FEZF1: variants seen among roughly 807,000 people sequenced by gnomAD.
The protein encoded by FEZF1 is fez family zinc finger protein 1.
Under a neutral mutation model 32.4 loss-of-function variants are expected in FEZF1, and 8 were observed. The observed-to-expected ratio is 0.25, with a 90% CI of 0.15 to 0.45. The LOEUF (loss-of-function observed/expected upper bound fraction) is 0.45, where lower values mean the gene tolerates loss of function less well. FEZF1 is among the 20% of genes least tolerant of loss of function. The probability of loss-of-function intolerance (pLI) is 1.00; values close to 1 mark genes in which losing one functional copy is unlikely to be tolerated. For synonymous variants in FEZF1, 259 were observed against 265.2 expected (o/e 0.98, Z 0.23); for missense variants, 546 against 622.3 (o/e 0.88, Z 1.31).
upstream of FEZF1, among the ~76,000 whole-genome samples, chr7:122,307,954 T>A (rs554092035): frequency 6.6e-6 from 1 of 152,260 alleles, no homozygotes; most frequent in African/African-American, 2.4e-5. Context: ...CCAATCTGTC[T>A]AGTACTTTAT....
rs1206551464 is a variant in FEZF1 at position 122,303,508 on chromosome 7, A to AGGAG, written c.801+128_801+129insCTCC. 163 of 366,774 alleles carry AGGAG rather than the reference A, an allele frequency of 4.4e-4. 1 individual carries two copies. Among genetic ancestry groups the AGGAG allele is most frequent in the South Asian group, 7.2e-4 (23 of 32,066 alleles). The allele number at this position is 366,774 out of a possible 1,614,324, so 22.7% of individuals were successfully genotyped here. The stretch of plus-strand genomic sequence containing the variant: ...AAGGAAGGAAGGAAGGAAGGAAGGA[A>AGGAG]GGAAGGAAGGAAGGAAGGAAGGAAG... On this transcript the variant is annotated intron_variant, in intron 1 of 3. Transcript: ENST00000442488.
At position 122,302,693 on chromosome 7, in the gene FEZF1, G is replaced by A; in HGVS notation, c.1069+106C>T. On this transcript the variant is annotated intron_variant, in intron 3 of 3. Coordinates refer to ENST00000442488, the MANE Select transcript of FEZF1 (RefSeq NM_001024613.4). The surrounding 1 kb of genome is among the most constrained non-coding windows in gnomAD (Gnocchi z 4.4). The stretch of plus-strand genomic sequence containing the variant: ...GTAGGGAGTTAGAATGGCAACAAAA[G>A]TGCCACATAACTACACTTTAAACAT... 1 of 1,243,224 alleles carries A rather than the reference G, an allele frequency of 8.0e-7. No homozygotes were observed. Among genetic ancestry groups the A allele is most frequent in the Non-Finnish European group, 1.2e-6 (1 of 863,362 alleles). The allele number at this position is 1,243,224 out of a possible 1,614,324, so 77.0% of individuals were successfully genotyped here.
Position 122,301,739 on chromosome 7 carries a change from AAAAG to A in FEZF1, c.*254_*257del. On this transcript the variant is annotated 3_prime_UTR_variant, in exon 4 of 4. Transcript: ENST00000442488. ...AGTCTTTCCAAATTAAAAAAAAAGAAAAAGAAAAACAGAAAACAAGCAAAACCCT... is the reference window on the plus strand; with the variant it reads ...AGTCTTTCCAAATTAAAAAAAAAGAAAAAAACAGAAAACAAGCAAAACCCT... 3 of 412,368 alleles carry A rather than the reference AAAAG, an allele frequency of 7.3e-6. No homozygotes were observed. The highest frequency in any genetic ancestry group is 1.3e-5 in the Non-Finnish European group (3 of 237,896). The allele number at this position is 412,368 out of a possible 1,614,324, so 25.5% of individuals were successfully genotyped here.
intron 1 of FEZF1, 115 bp from the exon 2 acceptor site, chr7:122,303,426 AC>A (rs1410585149): frequency 6.2e-6 from 8 of 1,296,664 alleles, no homozygotes; most frequent in Middle Eastern, 2.7e-4. Flanking sequence ...GCAAATAATT[AC>A]CCCCAAAATA....
chr7:122,304,810 CA>C (rs141664645), upstream of FEZF1: 3,866 of 179,234 alleles, frequency 0.022, 84 homozygotes, highest in African/African-American at 0.061. Context: ...TTTTCATCTG[CA>C]GTCAGTAACT....
In FEZF1 at chr7:122,302,279, G is replaced by C; in HGVS notation, c.1146C>G (p.His382Gln). 1.9e-6 allele frequency: 3 copies of C among 1,614,204 alleles called. No individual in the cohort carries two copies. The highest frequency in any genetic ancestry group is 2.5e-6 in the Non-Finnish European group (3 of 1,180,030). ...TGTGGAAGGTGAGGTTGTAAACCTGGTGGAAAGCCTTGTTGCAGATATTGC... is the reference window on the plus strand; with the variant it reads ...TGTGGAAGGTGAGGTTGTAAACCTGCTGGAAAGCCTTGTTGCAGATATTGC... Reference protein sequence around the residue: ...FKCNICNKAFHQVYNLTFHMH... With the variant: ...FKCNICNKAFQQVYNLTFHMH... Residue 382 changes from histidine (H) to glutamine (Q), a missense_variant, in exon 4 of 4, where the codon CAC (histidine) becomes CAG (glutamine). By Grantham distance (24) the His-to-Gln change is conservative. This residue lies in a region of FEZF1 where 118 missense variants were observed against 188.7 expected (regional missense o/e 0.63). Transcript: ENST00000442488. This position sits in a 1 kb window ranked among gnomAD's most constrained non-coding sequence, Gnocchi z 4.4.
chr7:122,302,831 C>A lies in FEZF1; in HGVS notation c.1037G>T (p.Cys346Phe). 6.2e-7 allele frequency: 1 copy of A among 1,614,074 alleles called. No individual in the cohort carries two copies. Residue 346 changes from cysteine to phenylalanine, a missense_variant, in exon 3 of 4, where the codon TGT (cysteine) becomes TTT (phenylalanine). Coordinates refer to ENST00000442488, the MANE Select transcript of FEZF1 (RefSeq NM_001024613.4). The surrounding 1 kb of genome is among the most constrained non-coding windows in gnomAD (Gnocchi z 4.4). ...RIHAGYKPFV[C>F]EFCGKGFHQK... ...ATGAAACCCTTTGCCACAGAATTCA[C>A]ACACAAACGGTTTGTAGCCCGCGTG...
chr7:122,310,052 T>C (rs1211612102), intron 1 of FEZF1: 2 of 152,104 alleles, frequency 1.3e-5, no homozygotes, highest in Non-Finnish European at 2.9e-5. Flanking sequence ...AGTGATCCCA[T>C]GAAATAAAAG....
At chr7:122,308,815 G>T (rs2031351701), upstream of FEZF1, among the ~76,000 whole-genome samples, 1 of 152,064 alleles carries the variant, frequency 6.6e-6, no homozygotes, top group African/African-American at 2.4e-5. Context: ...TTTAGCTTGT[G>T]AGCTAAGGGA....
At chr7:122,303,540 GGGAGGGAA>G (rs1563042232) in intron 1 of FEZF1, 89 bp downstream of exon 1, 11 of 308,610 alleles carry the variant, frequency 3.6e-5, no homozygotes, top group Admixed American at 2.2e-4. Context: ...GAAGGAAGGA[GGGAGGGAA>G]GGAAGGAGGG....
intron 1 of FEZF1, 113 bp downstream of exon 1, chr7:122,303,513 GGAAGGAAGGAA>G (rs2031126304): frequency 5.5e-6 from 3 of 549,310 alleles, no homozygotes; most frequent in Non-Finnish European, 9.3e-6. Context: ...AAGGAAGGAA[GGAAGGAAGGAA>G]GGAAGGAAGG....
upstream of FEZF1, chr7:122,308,517 A>G (rs1234186163): frequency 6.6e-6 from 1 of 152,154 alleles, no homozygotes; most frequent in African/African-American, 2.4e-5. Flanking sequence ...TCATAAGCAA[A>G]TGCAGTTTCT....
In FEZF1 at chr7:122,302,684, G is replaced by T. The variant is rs868304840; in HGVS notation, c.1069+115C>A. The stretch of plus-strand genomic sequence containing the variant: ...AGACTTCGAGTAGGGAGTTAGAATG[G>T]CAACAAAAGTGCCACATAACTACAC... On this transcript the variant is annotated intron_variant, in intron 3 of 3. Transcript: ENST00000442488. The surrounding 1 kb of genome is among the most constrained non-coding windows in gnomAD (Gnocchi z 4.4). The T allele has an allele frequency of 1.7e-6, 2 of 1,157,408 alleles. No homozygotes were observed. Among genetic ancestry groups the T allele is most frequent in the Non-Finnish European group, 2.5e-6 (2 of 789,262 alleles). 71.7% of individuals were successfully genotyped at this position (1,157,408 alleles called of 1,614,324 possible). A position where few individuals can be genotyped will look rare whatever the true frequency, so the allele number is the denominator to read the frequency against.
intron 1 of FEZF1, 105 bp downstream of exon 1, chr7:122,303,530 GAA>G (rs1563042153): frequency 2.7e-6 from 1 of 371,618 alleles, no homozygotes; most frequent in Non-Finnish European, 4.9e-6. Flanking sequence ...AGGAAGGAAG[GAA>G]GGAAGGAGGG....
upstream of FEZF1, chr7:122,308,338 CTG>C (rs1353814091): frequency 6.6e-6 from 1 of 152,100 alleles, no homozygotes; most frequent in African/African-American, 2.4e-5. Flanking sequence ...ATAACAAACT[CTG>C]TGTTAAGATC....
Position 122,301,852 on chromosome 7 carries a change from A to G in FEZF1, c.*145T>C. The G allele has an allele frequency of 8.9e-7, 1 of 1,126,770 alleles. No individual in the cohort carries two copies. The highest frequency in any genetic ancestry group is 1.7e-5 in the South Asian group (1 of 59,960). 69.8% of individuals were successfully genotyped at this position (1,126,770 alleles called of 1,614,324 possible). A position where few individuals can be genotyped will look rare whatever the true frequency, so the allele number is the denominator to read the frequency against. ...AGGTGCATGCAAGAGGCGAAAGGCC[A>G]GGGGATGCAGAGGCTTCTGGTCGGC... On this transcript the variant is annotated 3_prime_UTR_variant, in exon 4 of 4. Coordinates refer to ENST00000442488, the MANE Select transcript of FEZF1 (RefSeq NM_001024613.4).
rs2031170848 is a variant in FEZF1, at chr7:122,303,947, T to G, written c.491A>C (p.Asn164Thr). ...FHAMGALCYL[N>T]RGDGPCHPAA... ...CGGGTGGCATGGGCCGTCACCTCGG[T>G]TCAGGTAGCACAAGGCGCCCATGGC... is the stretch of plus-strand genomic sequence containing the variant. Residue 164 changes from asparagine (N) to threonine (T), a missense_variant, in exon 1 of 4, where the codon AAC becomes ACC. Coordinates refer to ENST00000442488, the MANE Select transcript of FEZF1 (RefSeq NM_001024613.4). 2 of 1,605,238 alleles carry G rather than the reference T, an allele frequency of 1.2e-6. No individual in the cohort carries two copies. Among genetic ancestry groups the G allele is most frequent in the Non-Finnish European group, 1.7e-6 (2 of 1,175,686 alleles).
upstream of FEZF1, among the ~76,000 whole-genome samples, chr7:122,307,993 AG>A (rs1338413281): frequency 6.6e-6 from 1 of 152,156 alleles, no homozygotes; most frequent in African/African-American, 2.4e-5. Flanking sequence ...ATAACAAAAA[AG>A]GCAATAAAAA....
Position 122,304,003 on chromosome 7 carries a change from C to T in FEZF1, c.435G>A (p.Arg145=), listed in dbSNP as rs1456556147. The T allele has an allele frequency of 6.4e-7, 1 of 1,571,228 alleles. No individual in the cohort carries two copies. The highest frequency in any genetic ancestry group is 8.6e-7 in the Non-Finnish European group (1 of 1,158,748). ...ALPLQQYKLV[R]PRVVNHSSFH... ...ATGAAGAGTGGTTGACCACACGCGG[C>T]CTTACCAGCTTGTACTGCTGCAGCG... The change falls in exon 1 of 4, where the codon AGG becomes AGA. Residue 145 remains arginine, a synonymous_variant. Coordinates refer to ENST00000442488, the MANE Select transcript of FEZF1 (RefSeq NM_001024613.4).
Sources: gnomAD v4.1 joint callset for allele counts (sites outside exome capture counted in the v4.1 genomes callset) on GRCh38, gnomAD v4.1.1 for gene constraint, gnomAD v4.1.1 regional missense constraint, Gnocchi (gnomAD v3.1) non-coding constraint, MANE v1.5 for transcripts, NCBI Gene and HGNC (gene_info 2026-07-23, HGNC 2026-07-21) for gene names.